WDFY3: variants seen among roughly 807,000 people sequenced by gnomAD.
The protein encoded by WDFY3 is WD repeat and FYVE domain-containing protein 3.
WDFY3 carries 66 observed loss-of-function variants against 409.6 expected under a neutral mutation model. The ratio of observed to expected loss-of-function variants is 0.16; its 90% CI spans 0.13 to 0.20. The LOEUF (loss-of-function observed/expected upper bound fraction) is 0.20. Ranked by LOEUF, WDFY3 falls within the 10% of genes least tolerant of loss-of-function variation. WDFY3 has a pLI of 1.00. For missense variants in WDFY3, 3,031 were observed against 4,298.1 expected, an observed-to-expected ratio of 0.71 and a Z score of 8.24; for synonymous variants, 1,521 against 1,537.1, an observed-to-expected ratio of 0.99 and a Z score of 0.25.
intron 40 of WDFY3, among the ~76,000 whole-genome samples, chr4:84,737,964 A>T (rs189412474): frequency 6.6e-6 from 1 of 152,240 alleles, no homozygotes; most frequent in East Asian, 1.9e-4. Context: ...TTCCCAAATG[A>T]TATTGATGTT....
chr4:84,679,892 G>A (rs1214140503), intron 64 of WDFY3, among the ~76,000 whole-genome samples: 1 of 147,064 alleles, frequency 6.8e-6, no homozygotes, highest in Non-Finnish European at 1.5e-5. Context: ...ATATATATAT[G>A]TATGTATGTA....
intron 3 of WDFY3, among the ~76,000 whole-genome samples, chr4:84,870,150 T>C (rs1761954038): frequency 2.0e-5 from 3 of 152,188 alleles, no homozygotes; most frequent in Non-Finnish European, 4.4e-5. Flanking sequence ...GGTACATCCA[T>C]GTCATGGAAT....
intron 24 of WDFY3, among the ~76,000 whole-genome samples, chr4:84,783,451 C>T (rs971386978): frequency 1.3e-5 from 2 of 152,180 alleles, no homozygotes; most frequent in Non-Finnish European, 2.9e-5. Context: ...TGGCACTCCA[C>T]ACTCCAGCCT....
chr4:84,798,795 C>CA (rs1251746457), intron 17 of WDFY3, among the ~76,000 whole-genome samples: 1 of 152,138 alleles, frequency 6.6e-6, no homozygotes, highest in Non-Finnish European at 1.5e-5. Flanking sequence ...AATATTGCCC[C>CA]AACTCAATCC....
chr4:84,920,108 T>C (rs1426962230), intron 2 of WDFY3, among the ~76,000 whole-genome samples: 1 of 152,142 alleles, frequency 6.6e-6, no homozygotes, highest in Non-Finnish European at 1.5e-5. Flanking sequence ...AGGATGACTG[T>C]GTACTTTTAA....
At chr4:84,696,228 T>C (rs373789194) in intron 57 of WDFY3, 46 bp from the exon 58 acceptor site, 4 of 1,584,936 alleles carry the variant, frequency 2.5e-6, no homozygotes, top group Non-Finnish European at 3.5e-6. Context: ...CTTCTATTAC[T>C]TGCTCAGAGA....
chr4:84,682,290 T>C, intron 64 of WDFY3, 84 bp downstream of exon 64: 2 of 1,319,486 alleles, frequency 1.5e-6, no homozygotes, highest in Non-Finnish European at 2.1e-6. Flanking sequence ...GGCTCCTCTT[T>C]ATGTTGTTTG....
At chr4:84,944,704 G>A (rs1772586308) in intron 1 of WDFY3, among the ~76,000 whole-genome samples, 1 of 150,206 alleles carries the variant, frequency 6.7e-6, no homozygotes, top group South Asian at 2.1e-4. Flanking sequence ...TAAGACAGGA[G>A]AATTGCTTGA....
intron 30 of WDFY3, among the ~76,000 whole-genome samples, chr4:84,767,278 GAC>G (rs1743832063): frequency 6.7e-6 from 1 of 149,152 alleles, no homozygotes; most frequent in Non-Finnish European, 1.5e-5. Flanking sequence ...ACTCTTATAA[GAC>G]AGTGAACTTA....
chr4:84,693,110 C>A (rs1729523889), intron 58 of WDFY3, 78 bp from the exon 59 acceptor site: 2 of 1,424,810 alleles, frequency 1.4e-6, no homozygotes, highest in African/African-American at 1.4e-5. Flanking sequence ...GCATTGTGTT[C>A]TTATTTCAAT....
At chr4:84,895,340 A>C (rs1765495301) in intron 3 of WDFY3, among the ~76,000 whole-genome samples, 1 of 152,246 alleles carries the variant, frequency 6.6e-6, no homozygotes, top group South Asian at 2.1e-4. Context: ...GAACACAGGG[A>C]AAAGGCAGTT....
chr4:84,822,723 A>G (rs1015175521), intron 10 of WDFY3, among the ~76,000 whole-genome samples: 1 of 152,130 alleles, frequency 6.6e-6, no homozygotes, highest in African/African-American at 2.4e-5. Context: ...AAAATAAACA[A>G]ACAAACAAAC....
intron 3 of WDFY3, among the ~76,000 whole-genome samples, chr4:84,863,768 A>G (rs1760991460): frequency 6.6e-6 from 1 of 152,184 alleles, no homozygotes; most frequent in Admixed American, 6.5e-5. Context: ...GAGGATATCC[A>G]GTTTTCCCAA....
chr4:84,702,214 T>TA, intron 56 of WDFY3, 139 bp downstream of exon 56: 1 of 969,868 alleles, frequency 1.0e-6, no homozygotes, highest in Non-Finnish European at 1.5e-6. Flanking sequence ...CACACCCAAT[T>TA]ACAGCAAATG....
At chr4:84,740,457 A>G (rs749539913) in intron 38 of WDFY3, 41 bp from the exon 39 acceptor site, 2 of 1,591,648 alleles carry the variant, frequency 1.3e-6, no homozygotes, top group Non-Finnish European at 1.7e-6. Context: ...AATAGACAAA[A>G]GTAAAACACC....
At chr4:84,677,460 T>A in intron 66 of WDFY3, 64 bp from the exon 67 acceptor site, 1 of 1,452,926 alleles carries the variant, frequency 6.9e-7, no homozygotes, top group Non-Finnish European at 9.1e-7. Context: ...TTCTTGAGGC[T>A]CTCTGGATTT....
intron 1 of WDFY3, among the ~76,000 whole-genome samples, chr4:84,946,973 A>T (rs1233964857): frequency 6.6e-6 from 1 of 151,008 alleles, no homozygotes. Context: ...CGCCTGGCTA[A>T]TTTTTTTGTA....
At chr4:84,765,673 C>G in intron 32 of WDFY3, 137 bp downstream of exon 32, 1 of 674,774 alleles carries the variant, frequency 1.5e-6, no homozygotes, top group Non-Finnish European at 2.4e-6. Context: ...ATCTTGTAAG[C>G]TCTTCCTTCT....
chr4:84,809,792 T>C, intron 14 of WDFY3, 95 bp downstream of exon 14: 1 of 1,127,890 alleles, frequency 8.9e-7, no homozygotes, highest in Non-Finnish European at 1.3e-6. Flanking sequence ...TCATCTGTTT[T>C]CATATTCTTT....
Sources: allele counts gnomAD v4.1 joint callset (sites outside exome capture counted in the v4.1 genomes callset), GRCh38; gene constraint gnomAD v4.1.1; transcripts MANE v1.5; gene names NCBI Gene and HGNC (gene_info 2026-07-23, HGNC 2026-07-21).